The following KLHL2 variants were observed in gnomAD, a reference collection of about 807,000 sequenced individuals.
KLHL2 encodes kelch-like protein 2.
In KLHL2, 15 loss-of-function variants were observed where a neutral mutation model predicts 75.8. The ratio of observed to expected loss-of-function variants is 0.20; its 90% CI spans 0.13 to 0.30. The LOEUF is 0.30. Ranked by LOEUF, KLHL2 falls within the 10% of genes least tolerant of loss-of-function variation. KLHL2 has a pLI of 1.00. For missense variants in KLHL2, 381 were observed against 741.0 expected (o/e 0.51, Z 5.64); for synonymous variants, 214 against 251.9 (o/e 0.85, Z 1.42).
rs143148091 is a variant in KLHL2, at chr4:165,242,757, C to G, written c.381+3858C>G. On this transcript the variant is annotated intron_variant, in intron 4 of 14. Coordinates refer to ENST00000226725, the MANE Select transcript of KLHL2 (RefSeq NM_007246.4). ...AGCAGTCTGCCAACCTTGGCCTCCT[C>G]AAGTGCTGGGATTATAGGCATGAGC... Among the ~76,000 whole-genome samples the G allele has an allele frequency of 1.6e-3, 245 of 152,204 alleles. 2 individuals are homozygous for G. Among genetic ancestry groups the G allele is most frequent in the East Asian group, 2.5e-3 (13 of 5,168 alleles).
chr4:165,294,068 C>G (rs1264032193), intron 5 of KLHL2, among the ~76,000 whole-genome samples: 1 of 151,954 alleles, frequency 6.6e-6, no homozygotes, highest in African/African-American at 2.4e-5. Flanking sequence ...TTTTTTTAAG[C>G]CTAAAATACC....
chr4:165,276,668 CT>C (rs1193803938), intron 5 of KLHL2, among the ~76,000 whole-genome samples: 1 of 151,908 alleles, frequency 6.6e-6, no homozygotes, highest in South Asian at 2.1e-4. Flanking sequence ...AATGATAAAC[CT>C]TTTTTCAGTT....
intron 5 of KLHL2, among the ~76,000 whole-genome samples, chr4:165,281,301 C>G (rs533123814): frequency 7.0e-6 from 1 of 143,060 alleles, no homozygotes; most frequent in Non-Finnish European, 1.5e-5. Flanking sequence ...GATGCTCTCT[C>G]TCTCTCTCTT....
In KLHL2 at chr4:165,217,811, A is replaced by G. The variant is rs1737652064; in HGVS notation, c.27-2123A>G. The stretch of plus-strand genomic sequence containing the variant: ...TTTCTCTCCAGCTCTAGACTCCAAT[A>G]TTTATCTGGTGATTTGATGCCTTCA... On this transcript the variant is annotated intron_variant, in intron 1 of 14. Transcript: ENST00000226725. Among the ~76,000 whole-genome samples the G allele has an allele frequency of 2.0e-5, 3 of 152,108 alleles. No homozygotes were observed. In the South Asian group the frequency reaches 6.2e-4, roughly 31 times the overall value.
intron 6 of KLHL2, 42 bp downstream of exon 6, chr4:165,294,510 C>CTTT (rs374375227): frequency 3.2e-5 from 27 of 838,246 alleles, no homozygotes; most frequent in Non-Finnish European, 4.0e-5. Context: ...TGATGTTTCC[C>CTTT]TTTTTTTTTT....
intron 2 of KLHL2, among the ~76,000 whole-genome samples, chr4:165,223,731 T>G (rs1738195554): frequency 6.6e-6 from 1 of 152,152 alleles, no homozygotes; most frequent in South Asian, 2.1e-4. Flanking sequence ...AGGTCAGCAG[T>G]GCATCTCTGG....
intron 2 of KLHL2, among the ~76,000 whole-genome samples, chr4:165,226,566 C>G (rs1159441773): frequency 6.6e-6 from 1 of 151,902 alleles, no homozygotes; most frequent in Non-Finnish European, 1.5e-5. Flanking sequence ...TGCTCGTCTT[C>G]TTAAGGGCAG....
intron 8 of KLHL2, 71 bp downstream of exon 8, chr4:165,299,727 C>T (rs1745205596): frequency 7.4e-7 from 1 of 1,353,208 alleles, no homozygotes; most frequent in Non-Finnish European, 1.0e-6. Flanking sequence ...TAGTATTTTG[C>T]TCATTTGAAT....
intron 8 of KLHL2, among the ~76,000 whole-genome samples, chr4:165,305,278 G>C (rs1455366168): frequency 1.3e-5 from 2 of 152,112 alleles, no homozygotes; most frequent in Non-Finnish European, 1.5e-5. Flanking sequence ...CTAGTTTATA[G>C]CAAGCCCTAT....
intron 5 of KLHL2, among the ~76,000 whole-genome samples, chr4:165,291,916 A>G (rs989975013): frequency 1.3e-5 from 2 of 151,742 alleles, no homozygotes; most frequent in African/African-American, 4.8e-5. Context: ...TGCAGCCTCA[A>G]ACTCCTCTGC....
intron 5 of KLHL2, among the ~76,000 whole-genome samples, chr4:165,275,106 TA>T (rs1472425927): frequency 6.7e-6 from 1 of 148,408 alleles, no homozygotes; most frequent in Non-Finnish European, 1.5e-5. Context: ...AGATTTATTT[TA>T]TTTTATTTTA....
intron 9 of KLHL2, among the ~76,000 whole-genome samples, chr4:165,310,057 G>A (rs1746029643): frequency 6.6e-6 from 1 of 152,180 alleles, no homozygotes. Flanking sequence ...TAGAAAGAAG[G>A]CCAGGTGCAG....
chr4:165,299,693 C>CAA (rs1399267951), intron 8 of KLHL2, 37 bp downstream of exon 8: 2 of 1,537,036 alleles, frequency 1.3e-6, no homozygotes, highest in African/African-American at 2.8e-5. Flanking sequence ...TTACCTCATG[C>CAA]AAAAGGCTTA....
chr4:165,279,739 G>T, intron 5 of KLHL2: 1 of 974,200 alleles, frequency 1.0e-6, no homozygotes, highest in Non-Finnish European at 1.7e-6. Context: ...AAAGAGCGAG[G>T]CCGCGCGAGT....
chr4:165,248,327 A>G (rs939884968), intron 4 of KLHL2, among the ~76,000 whole-genome samples: 4 of 152,212 alleles, frequency 2.6e-5, no homozygotes, highest in African/African-American at 4.8e-5. Flanking sequence ...TTGAGTTAGC[A>G]TGATGACAAC....
chr4:165,279,636 A>G (rs1167680659), intron 5 of KLHL2: 2 of 1,611,194 alleles, frequency 1.2e-6, no homozygotes, highest in Non-Finnish European at 8.5e-7. Flanking sequence ...GCCTTCTTTG[A>G]GGCTGCCATG....
intron 6 of KLHL2, 146 bp from the exon 7 acceptor site, chr4:165,297,463 A>G: frequency 1.7e-6 from 1 of 588,816 alleles, no homozygotes; most frequent in East Asian, 2.8e-5. Context: ...GTACATTGCA[A>G]GTCAGGATTT....
At chr4:165,218,692 A>C (rs932539240) in intron 1 of KLHL2, among the ~76,000 whole-genome samples, 1 of 152,178 alleles carries the variant, frequency 6.6e-6, no homozygotes, top group African/African-American at 2.4e-5. Flanking sequence ...AAGTGCCTTA[A>C]GAGTAGTGAT....
At chr4:165,307,487 A>C (rs936622091) in intron 9 of KLHL2, among the ~76,000 whole-genome samples, 1 of 152,206 alleles carries the variant, frequency 6.6e-6, no homozygotes, top group Non-Finnish European at 1.5e-5. Context: ...ATTAACTGAA[A>C]TACAGACTTC....
Sources: allele counts gnomAD v4.1 joint callset (sites outside exome capture counted in the v4.1 genomes callset), GRCh38; gene constraint gnomAD v4.1.1; transcripts MANE v1.5; gene names NCBI Gene and HGNC (gene_info 2026-07-23, HGNC 2026-07-21).